CEP128: variants seen among roughly 807,000 people sequenced by gnomAD.
CEP128 encodes the protein centrosomal protein 128.
In CEP128, 132 loss-of-function variants were observed where a neutral mutation model predicts 156.7. The ratio of observed to expected loss-of-function variants is 0.84; its 90% CI spans 0.73 to 0.97. The LOEUF is 0.97. CEP128 is among the 50% of genes least tolerant of loss of function. The pLI, the probability that CEP128 is intolerant of heterozygous loss-of-function variation, is 0.00. For missense variants in CEP128, 1,252 were observed against 1,281.9 expected, an observed-to-expected ratio of 0.98 and a Z score of 0.36; for synonymous variants, 469 against 448.9, an observed-to-expected ratio of 1.04 and a Z score of -0.57.
intron 19 of CEP128, among the ~76,000 whole-genome samples, chr14:80,703,912 T>A (rs530756671): frequency 2.6e-5 from 4 of 152,146 alleles, no homozygotes; most frequent in African/African-American, 9.6e-5. Context: ...TCCAACTAAT[T>A]TATAGCCACA....
intron 18 of CEP128, among the ~76,000 whole-genome samples, chr14:80,745,956 T>C (rs1899079925): frequency 6.6e-6 from 1 of 151,890 alleles, no homozygotes; most frequent in Admixed American, 6.6e-5. Context: ...TATATTAATA[T>C]TTGCAATGAG....
At chr14:80,696,188 C>G (rs748505257) in intron 19 of CEP128, among the ~76,000 whole-genome samples, 14 of 152,002 alleles carry the variant, frequency 9.2e-5, no homozygotes, top group Non-Finnish European at 1.5e-4. Context: ...AGAAGGAGAC[C>G]GGAAAGACCT....
chr14:80,575,104 C>T (rs1415122150), intron 20 of CEP128, among the ~76,000 whole-genome samples: 1 of 148,374 alleles, frequency 6.7e-6, no homozygotes, highest in Non-Finnish European at 1.5e-5. Flanking sequence ...TTATATAATA[C>T]AATATTATAT....
intron 16 of CEP128, among the ~76,000 whole-genome samples, chr14:80,768,544 AT>A (rs1364632281): frequency 6.6e-6 from 1 of 152,168 alleles, no homozygotes; most frequent in East Asian, 1.9e-4. Flanking sequence ...GCTTTATACT[AT>A]TTCCTCCAAA....
chr14:80,817,917 A>G (rs907556425), intron 13 of CEP128, among the ~76,000 whole-genome samples: 3 of 152,140 alleles, frequency 2.0e-5, no homozygotes, highest in Non-Finnish European at 4.4e-5. Context: ...CAAAAGTGAA[A>G]TTTGAGTTGG....
At chr14:80,503,815 A>T (rs1446863913) in intron 24 of CEP128, among the ~76,000 whole-genome samples, 3 of 152,196 alleles carry the variant, frequency 2.0e-5, no homozygotes, top group Admixed American at 6.5e-5. Context: ...TGGGAAAATG[A>T]TTAGGACAGG....
At chr14:80,509,010 C>A (rs116784356) in intron 23 of CEP128, among the ~76,000 whole-genome samples, 311 of 152,232 alleles carry the variant, frequency 2.0e-3, no homozygotes, top group African/African-American at 7.2e-3. Context: ...TAAGGACCTA[C>A]TTCACATGGC....
At chr14:80,706,072 A>C (rs2139385786) in intron 19 of CEP128, among the ~76,000 whole-genome samples, 1 of 152,298 alleles carries the variant, frequency 6.6e-6, no homozygotes, top group Non-Finnish European at 1.5e-5. Flanking sequence ...GAGTTGCAAA[A>C]TAATGATATT....
chr14:80,773,227 T>C (rs964053633), intron 16 of CEP128, among the ~76,000 whole-genome samples: 5 of 152,218 alleles, frequency 3.3e-5, no homozygotes, highest in African/African-American at 9.6e-5. Context: ...AAATTATTCC[T>C]TCACTAATAC....
chr14:80,920,513 TA>T (rs1884799621), intron 2 of CEP128, among the ~76,000 whole-genome samples: 1 of 152,218 alleles, frequency 6.6e-6, no homozygotes, highest in Non-Finnish European at 1.5e-5. Context: ...ATACTATAAT[TA>T]AAAATTAATT....
intron 16 of CEP128, among the ~76,000 whole-genome samples, chr14:80,765,380 A>C (rs1323167015): frequency 6.6e-6 from 1 of 152,218 alleles, no homozygotes; most frequent in Non-Finnish European, 1.5e-5. Context: ...GTATCCTGTT[A>C]GATTTAGAGG....
At chr14:80,493,904 T>C (rs1464422391), downstream of CEP128, among the ~76,000 whole-genome samples, 1 of 152,192 alleles carries the variant, frequency 6.6e-6, no homozygotes. Flanking sequence ...AAAGAGCAGA[T>C]TGGTTTACTT....
At chr14:80,744,395 A>T (rs1221119632) in intron 18 of CEP128, among the ~76,000 whole-genome samples, 1 of 152,146 alleles carries the variant, frequency 6.6e-6, no homozygotes, top group Non-Finnish European at 1.5e-5. Flanking sequence ...CATCAAAAAC[A>T]AAAGGGGGCC....
intron 19 of CEP128, among the ~76,000 whole-genome samples, chr14:80,652,128 T>C (rs971812754): frequency 4.6e-5 from 7 of 151,700 alleles, no homozygotes; most frequent in African/African-American, 7.3e-5. Context: ...GGTGGGAGAA[T>C]TGGCTAGCCA....
At chr14:80,795,018 C>T (rs1182003084) in intron 13 of CEP128, among the ~76,000 whole-genome samples, 1 of 152,174 alleles carries the variant, frequency 6.6e-6, no homozygotes, top group Non-Finnish European at 1.5e-5. Context: ...ACAATATTAT[C>T]CCCATTTCAG....
chr14:80,815,089 C>T (rs1000147177), intron 13 of CEP128, among the ~76,000 whole-genome samples: 2 of 152,026 alleles, frequency 1.3e-5, no homozygotes, highest in African/African-American at 4.8e-5. Context: ...CAAAAAAAAA[C>T]TTCTGCACAG....
At chr14:80,790,709 T>A (rs1366790155) in intron 14 of CEP128, among the ~76,000 whole-genome samples, 1 of 152,084 alleles carries the variant, frequency 6.6e-6, no homozygotes, top group Non-Finnish European at 1.5e-5. Context: ...AAAAAAGAAA[T>A]AAATCAGAGA....
chr14:80,648,256 T>A (rs540585725), intron 19 of CEP128, among the ~76,000 whole-genome samples: 109 of 152,232 alleles, frequency 7.2e-4, no homozygotes, highest in Non-Finnish European at 1.3e-3. Context: ...GATCTTTGAT[T>A]AATGAAGTAA....
downstream of CEP128, among the ~76,000 whole-genome samples, chr14:80,489,907 CAAAAAAA>C (rs34425331): frequency 7.6e-6 from 1 of 131,664 alleles, no homozygotes. Flanking sequence ...GTTTTATCAC[CAAAAAAA>C]AAAAAAAAAA....
Sources: gnomAD v4.1 joint callset for allele counts (sites outside exome capture counted in the v4.1 genomes callset) on GRCh38, gnomAD v4.1.1 for gene constraint, MANE v1.5 for transcripts, NCBI Gene and HGNC (gene_info 2026-07-23, HGNC 2026-07-21) for gene names.